Variants in TMEM117 observed in about 807,000 individuals in gnomAD.
TMEM117 encodes transmembrane protein 117.
A neutral mutation model predicts 52.4 loss-of-function variants in TMEM117; 27 were observed. The observed-to-expected ratio is 0.51, with a 90% CI of 0.38 to 0.71. The LOEUF (loss-of-function observed/expected upper bound fraction) is 0.71, where lower values mean the gene tolerates loss of function less well. TMEM117 is among the 30% of genes least tolerant of loss of function. The pLI is 0.00. For missense variants in TMEM117, 556 were observed against 630.5 expected (o/e 0.88, Z 1.26); for synonymous variants, 215 against 206.3 (o/e 1.04, Z -0.36).
chr12:43,966,160 C>G (rs1389259521), intron 3 of TMEM117, among the ~76,000 whole-genome samples: 3 of 152,148 alleles, frequency 2.0e-5, no homozygotes, highest in Non-Finnish European at 4.4e-5. Context: ...CATTGATAGG[C>G]ACCTAGGTTG....
chr12:43,871,756 A>G (rs777703987), intron 2 of TMEM117, among the ~76,000 whole-genome samples: 7 of 152,238 alleles, frequency 4.6e-5, no homozygotes, highest in South Asian at 4.1e-4. Context: ...AATGTTTCAT[A>G]AAAGAGTATT....
chr12:44,192,987 T>C (rs1241572998), intron 4 of TMEM117, among the ~76,000 whole-genome samples: 1 of 152,210 alleles, frequency 6.6e-6, no homozygotes, highest in Non-Finnish European at 1.5e-5. Flanking sequence ...AATTGAGGTA[T>C]GTGTTGGGAG....
intron 3 of TMEM117, among the ~76,000 whole-genome samples, chr12:43,970,867 AG>A (rs1301548981): frequency 6.6e-6 from 1 of 152,006 alleles, no homozygotes; most frequent in Non-Finnish European, 1.5e-5. Context: ...GTCTTTATGC[AG>A]GAGATTCTAA....
chr12:43,883,573 A>C (rs1943934371), intron 2 of TMEM117, among the ~76,000 whole-genome samples: 1 of 152,194 alleles, frequency 6.6e-6, no homozygotes, highest in African/African-American at 2.4e-5. Context: ...CTGATGTAAG[A>C]ATAGTTATGA....
At chr12:43,983,040 A>G (rs1376028774) in intron 3 of TMEM117, among the ~76,000 whole-genome samples, 1 of 152,216 alleles carries the variant, frequency 6.6e-6, no homozygotes, top group Non-Finnish European at 1.5e-5. Flanking sequence ...AGCTTGAAAC[A>G]GCAGCCATTT....
rs571626776 is a variant in TMEM117 at position 43,992,479 on chromosome 12, A to G, written c.410+48137A>G. ...ACTTTTTGTAGACACGGGTCTCACCATGTTGCCCAGGCTGGTTTCGAACTC... is the reference window on the plus strand; with the variant it reads ...ACTTTTTGTAGACACGGGTCTCACCGTGTTGCCCAGGCTGGTTTCGAACTC... On this transcript the variant is annotated intron_variant, in intron 3 of 7. Transcript: ENST00000266534. 3.3e-5 allele frequency among the ~76,000 whole-genome samples: 5 copies of G among 152,104 alleles called. No individual in the cohort carries two copies. The East Asian group carries it at 7.8e-4, about 24-fold the overall frequency.
chr12:44,001,479 A>G (rs1436810445), intron 3 of TMEM117, among the ~76,000 whole-genome samples: 1 of 152,164 alleles, frequency 6.6e-6, no homozygotes, highest in Non-Finnish European at 1.5e-5. Context: ...ATAGGGACCC[A>G]CTGATAGGTG....
chr12:43,970,297 A>ATT (rs71091191), intron 3 of TMEM117, among the ~76,000 whole-genome samples: 86 of 150,166 alleles, frequency 5.7e-4, no homozygotes, highest in Admixed American at 4.6e-3. Flanking sequence ...TTTATTATTA[A>ATT]TTTTTTTTTG....
intron 1 of TMEM117, among the ~76,000 whole-genome samples, chr12:43,842,801 T>G (rs570625935): frequency 6.6e-6 from 1 of 152,236 alleles, no homozygotes; most frequent in Non-Finnish European, 1.5e-5. Flanking sequence ...ACAGAGTTAT[T>G]ATAATTGTGT....
At chr12:44,189,772 A>C (rs974104453) in intron 4 of TMEM117, among the ~76,000 whole-genome samples, 1 of 152,242 alleles carries the variant, frequency 6.6e-6, no homozygotes, top group African/African-American at 2.4e-5. Flanking sequence ...ACTTTTCTGC[A>C]TCACTCCAAG....
chr12:44,217,682 A>C (rs1291443519), intron 5 of TMEM117, among the ~76,000 whole-genome samples: 1 of 152,230 alleles, frequency 6.6e-6, no homozygotes, highest in East Asian at 1.9e-4. Flanking sequence ...CACAAAAGTT[A>C]AATAAAACCT....
chr12:44,336,886 G>T (rs1592702292), intron 6 of TMEM117, among the ~76,000 whole-genome samples: 1 of 152,102 alleles, frequency 6.6e-6, no homozygotes, highest in East Asian at 1.9e-4. Flanking sequence ...CAGACCTACT[G>T]TCATCTAGAG....
rs1388045257 is a variant in TMEM117, at chr12:44,295,346, G to A, written c.609-4234G>A. On this transcript the variant is annotated intron_variant, in intron 5 of 7. Transcript: ENST00000266534. ...AGCCTCCCGAGTAGCTGGGACTGCA[G>A]GCGCAGGCCACTATGCCTGGCTGAA... is the stretch of plus-strand genomic sequence containing the variant. 2.6e-5 allele frequency among the ~76,000 whole-genome samples: 4 copies of A among 152,096 alleles called. 1 individual carries two copies. The highest frequency in any genetic ancestry group is 2.0e-4 in the Admixed American group (3 of 15,270).
chr12:43,956,503 A>C (rs1253804964), intron 3 of TMEM117, among the ~76,000 whole-genome samples: 2 of 72,496 alleles, frequency 2.8e-5, no homozygotes, highest in African/African-American at 6.8e-5. Context: ...CACTTCTCAA[A>C]AAAAAAAAAA....
chr12:44,373,721 T>G (rs1951897028), intron 6 of TMEM117, among the ~76,000 whole-genome samples: 2 of 151,810 alleles, frequency 1.3e-5, no homozygotes, highest in South Asian at 4.2e-4. Flanking sequence ...CTCTCTGCTT[T>G]CTACCTCCTT....
intron 3 of TMEM117, among the ~76,000 whole-genome samples, chr12:44,056,194 G>T (rs1188755692): frequency 2.6e-5 from 4 of 151,804 alleles, no homozygotes; most frequent in Admixed American, 6.6e-5. Flanking sequence ...TGAACTCCTG[G>T]GTTCTTCCTG....
At chr12:44,357,349 G>A (rs2138797904) in intron 6 of TMEM117, among the ~76,000 whole-genome samples, 1 of 152,116 alleles carries the variant, frequency 6.6e-6, no homozygotes, top group South Asian at 2.1e-4. Context: ...AGAACAGAAA[G>A]GTATTAGCAA....
intron 5 of TMEM117, among the ~76,000 whole-genome samples, chr12:44,220,356 A>G (rs539098948): frequency 2.0e-5 from 3 of 152,308 alleles, no homozygotes; most frequent in East Asian, 3.9e-4. Context: ...GGGACAAACT[A>G]TAATCAACAA....
At chr12:44,061,238 G>A (rs1947134039) in intron 3 of TMEM117, among the ~76,000 whole-genome samples, 2 of 151,948 alleles carry the variant, frequency 1.3e-5, no homozygotes, top group African/African-American at 4.8e-5. Flanking sequence ...TAGATCTCTG[G>A]TATCTGGGGT....
Sources: allele counts gnomAD v4.1 joint callset (sites outside exome capture counted in the v4.1 genomes callset), GRCh38; gene constraint gnomAD v4.1.1; transcripts MANE v1.5; gene names NCBI Gene and HGNC (gene_info 2026-07-23, HGNC 2026-07-21).